Variants in NFKB1 observed in about 807,000 individuals in gnomAD.
The protein encoded by NFKB1 is nuclear factor kappa B subunit 1.
In NFKB1, 9 loss-of-function variants were observed where a neutral mutation model predicts 105.1. That is an observed-to-expected ratio of 0.09 (90% CI 0.05 to 0.15). NFKB1 has a LOEUF of 0.15. Ranked by LOEUF, NFKB1 falls within the 10% of genes least tolerant of loss-of-function variation. The probability of loss-of-function intolerance (pLI) is 1.00; values close to 1 mark genes in which losing one functional copy is unlikely to be tolerated. For synonymous variants in NFKB1, 440 were observed against 442.2 expected (o/e 1.00, Z 0.06); for missense variants, 830 against 1,203.7 (o/e 0.69, Z 4.59).
intron 15 of NFKB1, among the ~76,000 whole-genome samples, chr4:102,598,624 A>G (rs1726852815): frequency 6.6e-6 from 1 of 152,254 alleles, no homozygotes; most frequent in African/African-American, 2.4e-5. Flanking sequence ...CCTTCTTGGT[A>G]TAAAGCCATG....
chr4:102,534,484 A>C (rs1402793251), intron 4 of NFKB1, among the ~76,000 whole-genome samples: 2 of 152,148 alleles, frequency 1.3e-5, no homozygotes, highest in East Asian at 1.9e-4. Context: ...TTACCACTAG[A>C]GTCTGTAGAG....
At chr4:102,533,932 A>T in intron 4 of NFKB1, 47 bp downstream of exon 4, 1 of 1,505,334 alleles carries the variant, frequency 6.6e-7, no homozygotes, top group South Asian at 1.2e-5. Flanking sequence ...CCAGTGTCTA[A>T]TATTGAGATC....
At chr4:102,533,441 G>T (rs1317367300) in intron 3 of NFKB1, among the ~76,000 whole-genome samples, 1 of 152,198 alleles carries the variant, frequency 6.6e-6, no homozygotes, top group African/African-American at 2.4e-5. Context: ...GTCTAATGAT[G>T]TGAAGGCCAA....
Position 102,612,593 on chromosome 4 carries a change from T to G in NFKB1, c.2579T>G (p.Met860Arg). ...RLSPAPSKTL[M>R]DNYEVSGGTV... is the part of the protein sequence containing the mutation. ...AGTCCTGCTCCTTCCAAAACACTTA[T>G]GGACAACTATGAGGTAACACCTTAC... Residue 860 changes from methionine (M) to arginine (R), a missense_variant, in exon 22 of 24, where the codon ATG becomes AGG. Physicochemically the swap from Met to Arg is moderately conservative, Grantham distance 91 (BLOSUM62 -1). Transcript: ENST00000226574. The G allele has an allele frequency of 6.2e-7, 1 of 1,613,694 alleles. No individual in the cohort carries two copies. The highest frequency in any genetic ancestry group is 8.5e-7 in the Non-Finnish European group (1 of 1,179,992).
intron 6 of NFKB1, among the ~76,000 whole-genome samples, chr4:102,573,484 C>G (rs1389161939): frequency 6.6e-6 from 1 of 151,928 alleles, no homozygotes; most frequent in African/African-American, 2.4e-5. Flanking sequence ...CTTCCTCACT[C>G]GTTTTAAGCA....
At chr4:102,508,097 T>C (rs1285929730) in intron 1 of NFKB1, among the ~76,000 whole-genome samples, 2 of 152,252 alleles carry the variant, frequency 1.3e-5, no homozygotes, top group South Asian at 2.1e-4. Flanking sequence ...TCATGTTTTA[T>C]TGATATTTGA....
chr4:102,616,895 T>A lies in NFKB1; in HGVS notation c.*301T>A, dbSNP rs1433720809. On this transcript the variant is annotated 3_prime_UTR_variant, in exon 24 of 24. Coordinates refer to ENST00000226574, the MANE Select transcript of NFKB1 (RefSeq NM_003998.4). ...GCTGGATCACAGCTGCTTTCTGTTG[T>A]CATTGCTGTTGTCCCTCTGCTACGT... 3 of 253,864 alleles carry A rather than the reference T, an allele frequency of 1.2e-5. No individual in the cohort carries two copies. The East Asian group carries it at 2.5e-4, about 21-fold the overall frequency. The allele number at this position is 253,864 out of a possible 1,614,324, so 15.7% of individuals were successfully genotyped here. A position where few individuals can be genotyped will look rare whatever the true frequency, so the allele number is the denominator to read the frequency against.
intron 10 of NFKB1, 70 bp from the exon 11 acceptor site, chr4:102,584,612 T>C: frequency 7.1e-7 from 1 of 1,414,634 alleles, no homozygotes; most frequent in Non-Finnish European, 9.4e-7. Flanking sequence ...ATGTGTTTAA[T>C]GAGTAGCATT....
intron 19 of NFKB1, 128 bp downstream of exon 19, chr4:102,607,879 A>G (rs1727964383): frequency 2.6e-6 from 2 of 761,012 alleles, no homozygotes; most frequent in Admixed American, 2.0e-5. Context: ...GTAAATAAAA[A>G]TTATATGGCA....
intron 6 of NFKB1, among the ~76,000 whole-genome samples, chr4:102,571,059 C>T (rs559630164): frequency 4.6e-5 from 7 of 152,300 alleles, no homozygotes; most frequent in Non-Finnish European, 8.8e-5. Flanking sequence ...AAGCTGGAGG[C>T]GTCACACTAC....
At chr4:102,519,342 T>C (rs1740416565) in intron 1 of NFKB1, among the ~76,000 whole-genome samples, 1 of 147,772 alleles carries the variant, frequency 6.8e-6, no homozygotes, top group Admixed American at 6.8e-5. Flanking sequence ...AGTATATATA[T>C]AAAATATATA....
rs946709771 is a variant in NFKB1 at position 102,613,308 on chromosome 4, C to G, written c.2593-117C>G. ...CTCTTCTCTGCCCTTTCCATTTCCT[C>G]CTGGCTCCTGAGTGGAGGAGGCAGC... On this transcript the variant is annotated intron_variant, in intron 22 of 23. Coordinates refer to ENST00000226574, the MANE Select transcript of NFKB1 (RefSeq NM_003998.4). 57 of 1,045,598 alleles carry G rather than the reference C, an allele frequency of 5.5e-5. No individual in the cohort carries two copies. In the East Asian group the frequency reaches 1.4e-3, roughly 26 times the overall value. 64.8% of individuals were successfully genotyped at this position (1,045,598 alleles called of 1,614,324 possible). A position where few individuals can be genotyped will look rare whatever the true frequency, so the allele number is the denominator to read the frequency against.
chr4:102,556,576 A>C (rs1011452963), intron 5 of NFKB1, among the ~76,000 whole-genome samples: 9 of 152,154 alleles, frequency 5.9e-5, no homozygotes, highest in African/African-American at 2.2e-4. Flanking sequence ...ATAAATGGCT[A>C]GTGGGTTTGG....
intron 5 of NFKB1, among the ~76,000 whole-genome samples, chr4:102,546,798 C>A (rs1722172337): frequency 6.6e-6 from 1 of 152,118 alleles, no homozygotes. Flanking sequence ...ATGGGTGATC[C>A]TCAGGCAGAG....
chr4:102,508,612 A>T (rs1173908078), intron 1 of NFKB1, among the ~76,000 whole-genome samples: 1 of 152,190 alleles, frequency 6.6e-6, no homozygotes, highest in Non-Finnish European at 1.5e-5. Context: ...GCTTAAAATG[A>T]ACCAAAAATA....
intron 1 of NFKB1, among the ~76,000 whole-genome samples, chr4:102,506,701 G>A (rs1739437690): frequency 6.6e-6 from 1 of 152,020 alleles, no homozygotes; most frequent in Admixed American, 6.6e-5. Flanking sequence ...TAGTGTCATT[G>A]TGCCCCCTGG....
At position 102,597,578 on chromosome 4, in the gene NFKB1, C is replaced by T. The variant is rs566062917; in HGVS notation, c.1554C>T (p.Phe518=). ...CAAAGAGGCATGCCAATGCCCTTTT[C>T]GACTACGCGGTGACAGGAGACGTGA... ...QLAKRHANAL[F]DYAVTGDVKM... The change falls in exon 15 of 24, where the codon TTC becomes TTT. Residue 518 remains phenylalanine (F), a synonymous_variant. Transcript: ENST00000226574. 31 of 1,613,862 alleles carry T rather than the reference C, an allele frequency of 1.9e-5. No individual in the cohort carries two copies. The highest frequency in any genetic ancestry group is 1.7e-4 in the Middle Eastern group (1 of 6,060).
intron 14 of NFKB1, among the ~76,000 whole-genome samples, chr4:102,597,020 A>G (rs1726672953): frequency 6.6e-6 from 1 of 152,170 alleles, no homozygotes; most frequent in Non-Finnish European, 1.5e-5. Context: ...AAGGTCACAA[A>G]TGCCATTCCC....
chr4:102,561,459 C>T (rs113795942), intron 5 of NFKB1, among the ~76,000 whole-genome samples: 1 of 152,038 alleles, frequency 6.6e-6, no homozygotes, highest in Non-Finnish European at 1.5e-5. Context: ...CCAGCAAAGC[C>T]AAACAAACAA....
Sources: allele counts gnomAD v4.1 joint callset (sites outside exome capture counted in the v4.1 genomes callset), GRCh38; gene constraint gnomAD v4.1.1; transcripts MANE v1.5; gene names NCBI Gene and HGNC (gene_info 2026-07-23, HGNC 2026-07-21).